The following SYT16 variants were observed in gnomAD, a reference collection of about 807,000 sequenced individuals.
The protein encoded by SYT16 is synaptotagmin 16.
SYT16 carries 42 observed loss-of-function variants against 61.4 expected under a neutral mutation model. The observed-to-expected ratio is 0.68, with a 90% CI of 0.53 to 0.89. The LOEUF (loss-of-function observed/expected upper bound fraction) is 0.89. Among genes scored for constraint, SYT16 ranks in the 40% least tolerant of loss-of-function variants. The probability of loss-of-function intolerance (pLI) is 0.00; values close to 1 mark genes in which losing one functional copy is unlikely to be tolerated. For synonymous variants in SYT16, 314 were observed against 302.3 expected, an observed-to-expected ratio of 1.04 and a Z score of -0.40; for missense variants, 804 against 807.3, an observed-to-expected ratio of 1.00 and a Z score of 0.05.
chr14:61,953,219 C>A (rs2050740761), intron 1 of SYT16, among the ~76,000 whole-genome samples: 1 of 152,042 alleles, frequency 6.6e-6, no homozygotes, highest in African/African-American at 2.4e-5. Context: ...TAATTTGTGT[C>A]CTTAAGTTGC....
At chr14:61,825,272 G>A (rs2045738838) in intron 1 of SYT16, among the ~76,000 whole-genome samples, 1 of 152,110 alleles carries the variant, frequency 6.6e-6, no homozygotes, top group South Asian at 2.1e-4. Flanking sequence ...GCCCCCTCTT[G>A]GTATTTGTAG....
intron 1 of SYT16, among the ~76,000 whole-genome samples, chr14:61,835,935 G>A (rs1039529594): frequency 3.9e-5 from 6 of 152,090 alleles, no homozygotes; most frequent in African/African-American, 7.2e-5. Context: ...ACCCACTCTC[G>A]TTGGCCTAGA....
chr14:62,012,390 C>T (rs12101287), intron 3 of SYT16, among the ~76,000 whole-genome samples: 1 of 152,202 alleles, frequency 6.6e-6, no homozygotes, highest in Non-Finnish European at 1.5e-5. Context: ...GTCCCAGAGG[C>T]TACCTTGCCA....
chr14:61,927,339 A>C (rs1286037138), intron 1 of SYT16, among the ~76,000 whole-genome samples: 1 of 152,120 alleles, frequency 6.6e-6, no homozygotes, highest in Non-Finnish European at 1.5e-5. Flanking sequence ...TCAGCATCCC[A>C]GCTGTGATCC....
chr14:62,036,311 T>C (rs564793118), intron 3 of SYT16, among the ~76,000 whole-genome samples: 1 of 152,040 alleles, frequency 6.6e-6, no homozygotes, highest in East Asian at 1.9e-4. Flanking sequence ...AACCACGCAT[T>C]GGTTGGGTAT....
chr14:62,072,003 C>T (rs188377271), intron 4 of SYT16, among the ~76,000 whole-genome samples: 6 of 152,298 alleles, frequency 3.9e-5, no homozygotes, highest in African/African-American at 7.2e-5. Flanking sequence ...GATTATTGCA[C>T]ACTAATTGTC....
chr14:61,838,945 G>T (rs2046219189), intron 1 of SYT16, among the ~76,000 whole-genome samples: 1 of 152,160 alleles, frequency 6.6e-6, no homozygotes, highest in Non-Finnish European at 1.5e-5. Flanking sequence ...GTGAAAGGGT[G>T]TTTATTGAGG....
At chr14:61,954,451 A>G (rs1044280637) in intron 1 of SYT16, among the ~76,000 whole-genome samples, 2 of 151,854 alleles carry the variant, frequency 1.3e-5, no homozygotes, top group Non-Finnish European at 2.9e-5. Context: ...AAATCAACAG[A>G]TGGGGCTATC....
At chr14:61,958,745 TC>T (rs796124700) in intron 1 of SYT16, among the ~76,000 whole-genome samples, 19 of 152,220 alleles carry the variant, frequency 1.2e-4, no homozygotes, top group African/African-American at 4.6e-4. Context: ...GGTGGAATGT[TC>T]TGTATGTATC....
intron 1 of SYT16, among the ~76,000 whole-genome samples, chr14:61,903,945 C>T (rs1280312278): frequency 1.2e-4 from 18 of 152,210 alleles, no homozygotes; most frequent in Admixed American, 8.5e-4. Flanking sequence ...TGGGTTTCCT[C>T]AAGTCCTTCG....
At chr14:62,009,096 TC>T in intron 3 of SYT16, among the ~76,000 whole-genome samples, 1 of 152,248 alleles carries the variant, frequency 6.6e-6, no homozygotes, top group South Asian at 2.1e-4. Flanking sequence ...ATTGGCTTCT[TC>T]TCTCTGTCAC....
chr14:62,080,163 C>T (rs189108228), intron 5 of SYT16, among the ~76,000 whole-genome samples: 81 of 152,284 alleles, frequency 5.3e-4, no homozygotes, highest in African/African-American at 1.9e-3. Context: ...TGGAGGTGTC[C>T]TCCTAAATCC....
chr14:61,945,746 C>T (rs1194036229), intron 1 of SYT16, among the ~76,000 whole-genome samples: 3 of 149,758 alleles, frequency 2.0e-5, no homozygotes, highest in South Asian at 2.1e-4. Context: ...GTCCCAGCTA[C>T]GCGGGAGGCT....
At chr14:62,061,913 C>G (rs949560821) in intron 3 of SYT16, among the ~76,000 whole-genome samples, 1 of 152,112 alleles carries the variant, frequency 6.6e-6, no homozygotes, top group Admixed American at 6.5e-5. Context: ...TCTGCCTGCT[C>G]TTGCTCACCA....
At chr14:61,999,053 C>T (rs1020711536) in intron 3 of SYT16, among the ~76,000 whole-genome samples, 1 of 151,430 alleles carries the variant, frequency 6.6e-6, no homozygotes, top group African/African-American at 2.4e-5. Flanking sequence ...ATTTGTTAGT[C>T]TTTGCTAAAG....
At chr14:61,889,483 T>C (rs1232070802) in intron 1 of SYT16, among the ~76,000 whole-genome samples, 1 of 152,116 alleles carries the variant, frequency 6.6e-6, no homozygotes, top group East Asian at 1.9e-4. Flanking sequence ...CATGACTCCA[T>C]TAATGCCCTC....
intron 5 of SYT16, chr14:62,079,517 C>T: frequency 9.0e-6 from 2 of 221,758 alleles, no homozygotes; most frequent in Non-Finnish European, 8.2e-6. Context: ...AAGTGGTAGG[C>T]CTGGGCTTCC....
chr14:61,816,727 C>G (rs1484271893), intron 1 of SYT16, among the ~76,000 whole-genome samples: 1 of 152,096 alleles, frequency 6.6e-6, no homozygotes, highest in African/African-American at 2.4e-5. Context: ...AACTTCCACT[C>G]TTGGCCGGGC....
intron 2 of SYT16, 49 bp from the exon 3 acceptor site, chr14:61,995,827 C>G (rs2052743675): frequency 1.8e-6 from 1 of 548,096 alleles, no homozygotes; most frequent in Non-Finnish European, 3.1e-6. Context: ...GGTGATGGGT[C>G]TGAGGTTGTA....
Sources: allele counts gnomAD v4.1 joint callset (sites outside exome capture counted in the v4.1 genomes callset), GRCh38; gene constraint gnomAD v4.1.1; transcripts MANE v1.5; gene names NCBI Gene and HGNC (gene_info 2026-07-23, HGNC 2026-07-21).